Variants in JARID2 observed in about 807,000 individuals in gnomAD.
The protein encoded by JARID2 is jumonji and AT-rich interaction domain containing 2, also known as protein Jumonji.
Under a neutral mutation model 125.6 loss-of-function variants are expected in JARID2, and 21 were observed. The ratio of observed to expected loss-of-function variants is 0.17; its 90% CI spans 0.12 to 0.24. The LOEUF (loss-of-function observed/expected upper bound fraction) is 0.24. JARID2 is among the 10% of genes least tolerant of loss of function. JARID2 has a pLI of 1.00. For missense variants in JARID2, 1,303 were observed against 1,639.6 expected, an observed-to-expected ratio of 0.79 and a Z score of 3.55; for synonymous variants, 736 against 661.6, an observed-to-expected ratio of 1.11 and a Z score of -1.73.
chr6:15,432,223 A>C (rs1198061831), intron 3 of JARID2, among the ~76,000 whole-genome samples: 2 of 152,004 alleles, frequency 1.3e-5, no homozygotes, highest in Non-Finnish European at 2.9e-5. Flanking sequence ...GAGGTCAGGG[A>C]TTCAAGACCA....
At chr6:15,377,427 T>A (rs564879910) in intron 2 of JARID2, among the ~76,000 whole-genome samples, 2 of 152,300 alleles carry the variant, frequency 1.3e-5, no homozygotes, top group South Asian at 4.1e-4. Flanking sequence ...CAATTCAAGT[T>A]GAGATTTGGG....
intron 1 of JARID2, among the ~76,000 whole-genome samples, chr6:15,369,831 A>G (rs1038506206): frequency 2.6e-5 from 4 of 152,244 alleles, no homozygotes; most frequent in African/African-American, 9.6e-5. Flanking sequence ...TTACATGTGT[A>G]AGACCATGTG....
At chr6:15,493,345 G>A (rs1561901362) in intron 6 of JARID2, among the ~76,000 whole-genome samples, 1 of 152,114 alleles carries the variant, frequency 6.6e-6, no homozygotes, top group Non-Finnish European at 1.5e-5. Context: ...CTCCCCTAAG[G>A]GTTTTAGGGG....
intron 1 of JARID2, among the ~76,000 whole-genome samples, chr6:15,344,457 G>T (rs781262454): frequency 2.7e-5 from 4 of 150,844 alleles, no homozygotes; most frequent in Admixed American, 1.3e-4. Context: ...GAGCTCTCTG[G>T]TTTAAAAAAA....
intron 1 of JARID2, among the ~76,000 whole-genome samples, chr6:15,351,360 A>G (rs1300436177): frequency 2.0e-5 from 3 of 152,176 alleles, no homozygotes; most frequent in Admixed American, 6.5e-5. Flanking sequence ...GTTCCCACCA[A>G]TAGCTACCAG....
rs376319752 is a variant in JARID2 at position 15,283,047 on chromosome 6, T to C, written c.45+36463T>C. On this transcript the variant is annotated intron_variant, in intron 1 of 17. Transcript: ENST00000341776. ...AGGCTGGAGTGTAGTGGCGCGATCTTGGCTCACTGTAAGCTCTGCCTCCCG... is the reference window on the plus strand; with the variant it reads ...AGGCTGGAGTGTAGTGGCGCGATCTCGGCTCACTGTAAGCTCTGCCTCCCG... Among the ~76,000 whole-genome samples the C allele has an allele frequency of 1.7e-3, 260 of 151,856 alleles. 1 individual carries two copies. The highest frequency in any genetic ancestry group is 7.0e-3 in the Middle Eastern group (2 of 284).
At chr6:15,506,367 T>C (rs1771005756) in intron 9 of JARID2, among the ~76,000 whole-genome samples, 1 of 152,216 alleles carries the variant, frequency 6.6e-6, no homozygotes, top group Non-Finnish European at 1.5e-5. Context: ...GGAGCTTGAC[T>C]CCGCCAGGTC....
intron 9 of JARID2, chr6:15,505,417 T>TATAC (rs1248835399): frequency 1.3e-5 from 2 of 151,908 alleles, no homozygotes; most frequent in East Asian, 3.9e-4. Context: ...TTGCCCCGTG[T>TATAC]ATACATGCTG....
intron 3 of JARID2, among the ~76,000 whole-genome samples, chr6:15,440,255 G>A (rs1426943894): frequency 6.6e-6 from 1 of 152,224 alleles, no homozygotes; most frequent in Non-Finnish European, 1.5e-5. Context: ...ACATCAGGTG[G>A]ATTCACAGCT....
At chr6:15,303,988 A>C (rs1761722230) in intron 1 of JARID2, among the ~76,000 whole-genome samples, 1 of 152,180 alleles carries the variant, frequency 6.6e-6, no homozygotes, top group East Asian at 1.9e-4. Context: ...GTGTGACTCT[A>C]GGCACGTTGC....
intron 3 of JARID2, among the ~76,000 whole-genome samples, chr6:15,413,822 C>T (rs1766009258): frequency 6.6e-6 from 1 of 152,152 alleles, no homozygotes. Flanking sequence ...TGACATTATT[C>T]CGTTCACGAG....
At chr6:15,447,821 CT>C (rs1767741300) in intron 3 of JARID2, among the ~76,000 whole-genome samples, 1 of 152,246 alleles carries the variant, frequency 6.6e-6, no homozygotes, top group East Asian at 1.9e-4. Flanking sequence ...TGACCTCCTC[CT>C]TTACCCCAGG....
intron 1 of JARID2, among the ~76,000 whole-genome samples, chr6:15,339,502 G>A (rs1218861922): frequency 6.6e-6 from 1 of 151,176 alleles, no homozygotes; most frequent in African/African-American, 2.4e-5. Context: ...TAAAGATAGG[G>A]CAAGAACAGT....
intron 5 of JARID2, among the ~76,000 whole-genome samples, chr6:15,473,950 G>C (rs779559657): frequency 2.6e-5 from 4 of 152,224 alleles, no homozygotes; most frequent in Non-Finnish European, 4.4e-5. Context: ...TGAAACCAAA[G>C]TCAGCTTTGA....
Position 15,400,455 on chromosome 6 carries a change from C to G in JARID2, c.182-9769C>G, listed in dbSNP as rs914070570. ...AAAAAGGGATGCCATTGAAACTGCGCCCTGGAGTCCGCTGTCTGTGGGGGT... is the reference window on the plus strand; with the variant it reads ...AAAAAGGGATGCCATTGAAACTGCGGCCTGGAGTCCGCTGTCTGTGGGGGT... On this transcript the variant is annotated intron_variant, in intron 2 of 17. Coordinates refer to ENST00000341776, the MANE Select transcript of JARID2 (RefSeq NM_004973.4). 2.2e-4 allele frequency among the ~76,000 whole-genome samples: 34 copies of G among 151,726 alleles called. No homozygotes were observed. In the South Asian group the frequency reaches 4.2e-3, roughly 19 times the overall value.
At chr6:15,431,072 C>T (rs1275379918) in intron 3 of JARID2, among the ~76,000 whole-genome samples, 1 of 152,180 alleles carries the variant, frequency 6.6e-6, no homozygotes, top group East Asian at 1.9e-4. Flanking sequence ...TGGACTGGCA[C>T]TTGGCCTTTC....
chr6:15,429,237 C>G (rs578229362), intron 3 of JARID2, among the ~76,000 whole-genome samples: 11 of 151,580 alleles, frequency 7.3e-5, no homozygotes, highest in Admixed American at 5.9e-4. Flanking sequence ...GCTAAACCAA[C>G]TATTAGGAAA....
chr6:15,331,735 G>T (rs150050171), intron 1 of JARID2, among the ~76,000 whole-genome samples: 17 of 152,132 alleles, frequency 1.1e-4, no homozygotes, highest in South Asian at 2.1e-4. Flanking sequence ...CAGGAGAATC[G>T]CTTGAACCCA....
At chr6:15,410,642 C>G (rs780389182) in intron 3 of JARID2, among the ~76,000 whole-genome samples, 10 of 152,156 alleles carry the variant, frequency 6.6e-5, no homozygotes, top group Non-Finnish European at 1.3e-4. Context: ...CCTGTCTTAA[C>G]TGTTCATTTA....
Sources: allele counts gnomAD v4.1 joint callset (sites outside exome capture counted in the v4.1 genomes callset), GRCh38; gene constraint gnomAD v4.1.1; transcripts MANE v1.5; gene names NCBI Gene and HGNC (gene_info 2026-07-23, HGNC 2026-07-21).